Variants in TAAR2 observed in about 807,000 individuals in gnomAD.
TAAR2 encodes trace amine-associated receptor 2.
Under a neutral mutation model 25.5 loss-of-function variants are expected in TAAR2, and 30 were observed. The observed-to-expected ratio is 1.18, with a 90% CI of 0.88 to 1.60. TAAR2 has a LOEUF of 1.60. Ranked by LOEUF, TAAR2 falls within the 40% of genes most tolerant of loss-of-function variation. TAAR2 has a pLI of 0.00. For missense variants in TAAR2, 481 were observed against 416.5 expected, an observed-to-expected ratio of 1.15 and a Z score of -1.35; for synonymous variants, 150 against 142.4, an observed-to-expected ratio of 1.05 and a Z score of -0.38.
At chr6:132,618,755 A>C (rs186705509) in intron 1 of TAAR2, among the ~76,000 whole-genome samples, 1 of 152,290 alleles carries the variant, frequency 6.6e-6, no homozygotes, top group East Asian at 1.9e-4. Context: ...CAAATTATTG[A>C]GCTGTATCTT....
intron 1 of TAAR2, among the ~76,000 whole-genome samples, chr6:132,619,223 A>G (rs1777342092): frequency 6.6e-6 from 1 of 152,338 alleles, no homozygotes; most frequent in Admixed American, 6.5e-5. Flanking sequence ...TTTAGAAAGC[A>G]AGCCATCTCT....
chr6:132,621,825 T>C (rs1362711604), intron 1 of TAAR2, among the ~76,000 whole-genome samples: 3 of 152,148 alleles, frequency 2.0e-5, no homozygotes, highest in Non-Finnish European at 4.4e-5. Flanking sequence ...TATCAGATGA[T>C]TATTTGATGA....
At chr6:132,623,208 T>C (rs765285408) in intron 1 of TAAR2, among the ~76,000 whole-genome samples, 2 of 152,212 alleles carry the variant, frequency 1.3e-5, no homozygotes, top group Non-Finnish European at 2.9e-5. Flanking sequence ...GTTAAGACAG[T>C]GATAGATCAT....
At chr6:132,619,083 C>T (rs1777340331) in intron 1 of TAAR2, among the ~76,000 whole-genome samples, 1 of 152,172 alleles carries the variant, frequency 6.6e-6, no homozygotes, top group Admixed American at 6.5e-5. Context: ...GAGGTGGGCA[C>T]AGACCAAAGC....
Position 132,617,303 on chromosome 6 carries a change from T to A in TAAR2, c.903A>T (p.Thr301=). 3 of 1,613,628 alleles carry A rather than the reference T, an allele frequency of 1.9e-6. No individual in the cohort carries two copies. The highest frequency in any genetic ancestry group is 2.5e-6 in the Non-Finnish European group (3 of 1,179,872). Residue 301 remains threonine (T), a synonymous_variant, in exon 2 of 2, where the codon ACA becomes ACT. Transcript: ENST00000367931. ...ATGTGGAGTTAAAATAGCCAAACCA[T>A]GTCAAGGCATCAAACAAAACTACAG... ...STPVVLFDAL[T]WFGYFNSTCN...
rs1453288577 is a variant in TAAR2 at position 132,617,775 on chromosome 6, G to A, written c.431C>T (p.Ala144Val). 6.2e-7 allele frequency: 1 copy of A among 1,613,928 alleles called. No individual in the cohort carries two copies. The highest frequency in any genetic ancestry group is 1.3e-5 in the African/African-American group (1 of 74,920). Residue 144 changes from alanine (A) to valine (V), a missense_variant, in exon 2 of 2, where the codon GCT (alanine) becomes GTT (valine). Transcript: ENST00000367931. Reference protein sequence around the residue: ...LCSVAIDRFYAICYPLLYSTK... With the variant: ...LCSVAIDRFYVICYPLLYSTK... The stretch of plus-strand genomic sequence containing the variant: ...GGAATAAAGTAATGGGTAACATATA[G>A]CATAAAATCTATCAATGGCCACTGA...
At chr6:132,622,377 G>A (rs1777386186) in intron 1 of TAAR2, among the ~76,000 whole-genome samples, 1 of 145,044 alleles carries the variant, frequency 6.9e-6, no homozygotes, top group Admixed American at 6.9e-5. Flanking sequence ...GAAGCAGAAT[G>A]TTCTGATTTT....
At position 132,618,049 on chromosome 6, in the gene TAAR2, A is replaced by G. The variant is rs952587070; in HGVS notation, c.157T>C (p.Ser53Pro). ...RVAMYSFMAG[S>P]IFITIFGNLA... The stretch of plus-strand genomic sequence containing the variant: ...TTGCCAAATATTGTGATGAATATGG[A>G]TCCTGCCATAAATGAATACATAGCC... The change falls in exon 2 of 2, where the codon TCC becomes CCC. Residue 53 changes from serine to proline, a missense_variant. By Grantham distance (74) the Ser-to-Pro change is moderately conservative (BLOSUM62 -1). Transcript: ENST00000367931. The G allele has an allele frequency of 5.0e-6, 8 of 1,614,048 alleles. No homozygotes were observed. The highest frequency in any genetic ancestry group is 6.8e-6 in the Non-Finnish European group (8 of 1,179,966).
chr6:132,620,771 A>G (rs1431355531), intron 1 of TAAR2, among the ~76,000 whole-genome samples: 1 of 151,222 alleles, frequency 6.6e-6, no homozygotes, highest in Non-Finnish European at 1.5e-5. Flanking sequence ...TACCCCCTGA[A>G]CCTAAAATAA....
intron 1 of TAAR2, among the ~76,000 whole-genome samples, chr6:132,618,815 C>T (rs1777336686): frequency 1.3e-5 from 2 of 152,180 alleles, no homozygotes; most frequent in Non-Finnish European, 2.9e-5. Flanking sequence ...GTACTTCTTC[C>T]TCCAAGGAGT....
At chr6:132,619,707 G>A (rs760030373) in intron 1 of TAAR2, among the ~76,000 whole-genome samples, 9 of 152,152 alleles carry the variant, frequency 5.9e-5, no homozygotes, top group Non-Finnish European at 1.2e-4. Flanking sequence ...CAACAGCGGC[G>A]ATCACCTGAC....
chr6:132,622,099 A>G (rs567738823), intron 1 of TAAR2, among the ~76,000 whole-genome samples: 3 of 152,222 alleles, frequency 2.0e-5, no homozygotes, highest in African/African-American at 7.2e-5. Flanking sequence ...GTTAAATGGA[A>G]TGTCAGATCT....
chr6:132,617,446 C>G lies in TAAR2; in HGVS notation c.760G>C (p.Val254Leu). ...NNLRENQNNQ[V>L]KKDKKAAKTL... Reference sequence around the variant, plus strand: ...TTGGCAGCTTTTTTGTCTTTCTTCACTTGATTATTTTGATTTTCTCGCAAG... The same window carrying G: ...TTGGCAGCTTTTTTGTCTTTCTTCAGTTGATTATTTTGATTTTCTCGCAAG... Residue 254 changes from valine to leucine, a missense_variant, in exon 2 of 2, where the codon GTG (valine) becomes CTG (leucine). Val to Leu is a conservative substitution (Grantham distance 32). Transcript: ENST00000367931. 6.2e-7 allele frequency: 1 copy of G among 1,613,708 alleles called. No individual in the cohort carries two copies. Among genetic ancestry groups the G allele is most frequent in the Admixed American group, 1.7e-5 (1 of 59,952 alleles).
At position 132,617,264 on chromosome 6, in the gene TAAR2, T is replaced by C. The variant is rs372803383; in HGVS notation, c.942A>G (p.Ile314Met). Residue 314 changes from isoleucine to methionine, a missense_variant, in exon 2 of 2, where the codon ATA becomes ATG. Ile to Met is a conservative substitution (Grantham distance 10). Coordinates refer to ENST00000367931, the MANE Select transcript of TAAR2 (RefSeq NM_001033080.1). ...GYFNSTCNPL[I>M]YGFFYPWFRR... is the part of the protein sequence containing the mutation. The stretch of plus-strand genomic sequence containing the variant: ...GAAACCAGGGATAGAAGAAACCATA[T>C]ATTAACGGATTACATGTGGAGTTAA... 42 of 1,613,766 alleles carry C rather than the reference T, an allele frequency of 2.6e-5. No homozygotes were observed. In the African/African-American group the frequency reaches 3.7e-4, roughly 14 times the overall value.
rs769983478 is a variant in TAAR2, at chr6:132,618,063, G to T, written c.143C>A (p.Ser48Ter). 2.7e-5 allele frequency: 43 copies of T among 1,613,842 alleles called. No homozygotes were observed. The South Asian group carries it at 4.4e-4, about 16-fold the overall frequency. The change falls in exon 2 of 2, where the codon TCA (serine) becomes TAA (stop). Residue 48 changes from serine to a stop codon, truncating the protein, a stop_gained. Transcript: ENST00000367931. LOFTEE classifies it high-confidence loss of function. ...RSLGVRVAMY[S>*]FMAGSIFITI... is the part of the protein sequence containing the mutation. ...GATGAATATGGATCCTGCCATAAAT[G>T]AATACATAGCCACTCGGACACCCAG...
intron 1 of TAAR2, among the ~76,000 whole-genome samples, chr6:132,621,426 C>T (rs1190283108): frequency 6.6e-6 from 1 of 152,002 alleles, no homozygotes; most frequent in Non-Finnish European, 1.5e-5. Context: ...GCCCCCCACC[C>T]CCTGACAAGC....
At chr6:132,621,170 C>A (rs199665398) in intron 1 of TAAR2, among the ~76,000 whole-genome samples, 3 of 145,438 alleles carry the variant, frequency 2.1e-5, no homozygotes, top group Non-Finnish European at 3.0e-5. Context: ...AAAAAAAAAA[C>A]AACAACAAAT....
In TAAR2 at chr6:132,624,222, T is replaced by C; in HGVS notation, c.54A>G (p.Thr18=). 1 of 1,613,502 alleles carries C rather than the reference T, an allele frequency of 6.2e-7. No individual in the cohort carries two copies. Residue 18 remains threonine (T), a synonymous_variant, in exon 1 of 2, where the codon ACA becomes ACG. Coordinates refer to ENST00000367931, the MANE Select transcript of TAAR2 (RefSeq NM_001033080.1). ...HELSHFKRTQ[T]KKEKFNCSEY... is the part of the protein sequence containing the mutation. ...CATATGTTTAAGGGCCTACCTTTTTTGTCTGTGTTCTTTTGAAATGTGAAA... is the reference window on the plus strand; with the variant it reads ...CATATGTTTAAGGGCCTACCTTTTTCGTCTGTGTTCTTTTGAAATGTGAAA...
At position 132,617,544 on chromosome 6, in the gene TAAR2, G is replaced by A. The variant is rs767101175; in HGVS notation, c.662C>T (p.Pro221Leu). ...ATAAATCCCCACCATCATAGACCCA[G>A]GAGTGAAGAAACCTGCCATAAACAA... ...TTLFMAGFFTPGSMMVGIYGK... is the reference protein window; with the variant it reads ...TTLFMAGFFTLGSMMVGIYGK... Residue 221 changes from proline (P) to leucine (L), a missense_variant, in exon 2 of 2, where the codon CCT becomes CTT. Physicochemically the swap from Pro to Leu is moderately conservative, Grantham distance 98. Transcript: ENST00000367931. 9.9e-6 allele frequency: 16 copies of A among 1,613,950 alleles called. No homozygotes were observed. The East Asian group carries it at 3.6e-4, about 36-fold the overall frequency.
Sources: allele counts gnomAD v4.1 joint callset (sites outside exome capture counted in the v4.1 genomes callset), GRCh38; gene constraint gnomAD v4.1.1; transcripts MANE v1.5; gene names NCBI Gene and HGNC (gene_info 2026-07-23, HGNC 2026-07-21).